BCL2L11: variants seen among roughly 807,000 people sequenced by gnomAD.
BCL2L11 encodes bcl-2-like protein 11.
In BCL2L11, 15 loss-of-function variants were observed where a neutral mutation model predicts 20.6. That is an observed-to-expected ratio of 0.73 (90% CI 0.49 to 1.12). The LOEUF (loss-of-function observed/expected upper bound fraction) is 1.12. Ranked by LOEUF, BCL2L11 falls within the 50% of genes most tolerant of loss-of-function variation. The pLI is 0.00. For synonymous variants in BCL2L11, 108 were observed against 92.8 expected, an observed-to-expected ratio of 1.16 and a Z score of -0.94; for missense variants, 292 against 260.9, an observed-to-expected ratio of 1.12 and a Z score of -0.82.
chr2:111,132,417 A>G (rs1440214859), intron 2 of BCL2L11, among the ~76,000 whole-genome samples: 1 of 152,244 alleles, frequency 6.6e-6, no homozygotes, highest in Non-Finnish European at 1.5e-5. Context: ...AAAAACTCAA[A>G]AATAATGGTT....
chr2:111,157,776 G>A (rs1351783159), intron 3 of BCL2L11, among the ~76,000 whole-genome samples: 2 of 152,218 alleles, frequency 1.3e-5, no homozygotes, highest in Non-Finnish European at 2.9e-5. Context: ...TAGGATAAAA[G>A]TTTGGTTTAT....
chr2:111,130,272 T>C (rs953011449), intron 2 of BCL2L11: 1 of 264,156 alleles, frequency 3.8e-6, no homozygotes, highest in African/African-American at 2.4e-5. Context: ...ACCCAGCTAA[T>C]TTTTGTATTT....
chr2:111,128,536 G>T, intron 2 of BCL2L11: 1 of 1,413,922 alleles, frequency 7.1e-7, no homozygotes, highest in Non-Finnish European at 9.2e-7. Context: ...CTCCATAGAG[G>T]CTGTGCCATT....
intron 2 of BCL2L11, among the ~76,000 whole-genome samples, chr2:111,133,869 C>T (rs1289550108): frequency 1.3e-5 from 2 of 152,142 alleles, no homozygotes; most frequent in Non-Finnish European, 2.9e-5. Flanking sequence ...GAGTTTGCTT[C>T]ATGTCTTTTG....
intron 3 of BCL2L11, among the ~76,000 whole-genome samples, chr2:111,155,423 G>A (rs898874082): frequency 1.3e-5 from 2 of 150,790 alleles, no homozygotes; most frequent in Non-Finnish European, 3.0e-5. Flanking sequence ...CTGTAGATGT[G>A]GGCCGGAGGT....
rs574658778 is a variant in BCL2L11, at chr2:111,121,041, T to C, written c.-161T>C. 120 of 368,640 alleles carry C rather than the reference T, an allele frequency of 3.3e-4. 4 individuals are homozygous for C. Among genetic ancestry groups the C allele is most frequent in the African/African-American group, 2.6e-3 (109 of 41,682 alleles). 22.8% of individuals were successfully genotyped at this position (368,640 alleles called of 1,614,324 possible). ...GCCGCCACTACCACCACTTGATTCTTGCAGCCACCCTGCGAACCCTGCCAC... is the reference window on the plus strand; with the variant it reads ...GCCGCCACTACCACCACTTGATTCTCGCAGCCACCCTGCGAACCCTGCCAC... On this transcript the variant is annotated 5_prime_UTR_variant, in exon 1 of 4. Transcript: ENST00000393256.
intron 3 of BCL2L11, among the ~76,000 whole-genome samples, chr2:111,152,078 G>T (rs948657350): frequency 9.9e-5 from 15 of 152,186 alleles, no homozygotes; most frequent in Admixed American, 2.6e-4. Flanking sequence ...GGATCAAAGT[G>T]GGGAGGACAT....
At chr2:111,122,529 G>T in intron 1 of BCL2L11, 2 of 858,238 alleles carry the variant, frequency 2.3e-6, no homozygotes, top group Non-Finnish European at 2.8e-6. Context: ...GATTGGCTGC[G>T]GCGCGGAGCG....
intron 2 of BCL2L11, among the ~76,000 whole-genome samples, chr2:111,147,346 T>TCTCTCACACA (rs760779894): frequency 2.3e-4 from 32 of 137,410 alleles, no homozygotes; most frequent in African/African-American, 8.0e-4. Flanking sequence ...TCTCTCTCTC[T>TCTCTCACACA]CACACACACA....
At chr2:111,128,478 T>G in intron 2 of BCL2L11, 1 of 1,169,242 alleles carries the variant, frequency 8.6e-7, no homozygotes, top group Non-Finnish European at 1.1e-6. Context: ...AATTGCTGGA[T>G]CATATGGTAA....
At chr2:111,146,081 T>G (rs2076473027) in intron 2 of BCL2L11, 2 of 985,208 alleles carry the variant, frequency 2.0e-6, no homozygotes, top group Non-Finnish European at 2.4e-6. Flanking sequence ...TATTTTATTG[T>G]GCTTTAAAAA....
chr2:111,153,678 T>C, intron 3 of BCL2L11: 1 of 1,381,896 alleles, frequency 7.2e-7, no homozygotes, highest in South Asian at 1.3e-5. Flanking sequence ...ATGTTGAGTG[T>C]CTTTATTTGC....
chr2:111,124,217 T>C, intron 2 of BCL2L11, 78 bp downstream of exon 2: 2 of 1,436,422 alleles, frequency 1.4e-6, no homozygotes, highest in South Asian at 2.8e-5. Flanking sequence ...GCATTTAAAA[T>C]CCCCTTTTAA....
Position 111,143,448 on chromosome 2 carries a change from G to A in BCL2L11, c.395-6596G>A, listed in dbSNP as rs889631306. Among the ~76,000 whole-genome samples the A allele has an allele frequency of 2.0e-5, 3 of 152,306 alleles. No homozygotes were observed. The East Asian group carries it at 5.8e-4, about 29-fold the overall frequency. Reference sequence around the variant, plus strand: ...TGGCACAGGTTCACTGACAAAAAGTGGGGTGATGATTGAGAGGGATCATAG... The same window carrying A: ...TGGCACAGGTTCACTGACAAAAAGTAGGGTGATGATTGAGAGGGATCATAG... On this transcript the variant is annotated intron_variant, in intron 2 of 3. Coordinates refer to ENST00000393256, the MANE Select transcript of BCL2L11 (RefSeq NM_138621.5).
intron 2 of BCL2L11, among the ~76,000 whole-genome samples, chr2:111,137,673 C>CAT (rs535587821): frequency 1.5e-5 from 2 of 135,466 alleles, no homozygotes; most frequent in African/African-American, 2.8e-5. Context: ...CTAGCAGAAA[C>CAT]ATATATGCAA....
At chr2:111,150,272 T>A (rs1331675642) in intron 3 of BCL2L11, 125 bp downstream of exon 3, 1 of 1,500,510 alleles carries the variant, frequency 6.7e-7, no homozygotes, top group Admixed American at 2.0e-5. Flanking sequence ...GTTGCCTAGT[T>A]GTGACCTTTC....
At chr2:111,161,476 G>A in intron 3 of BCL2L11, 1 of 1,550,392 alleles carries the variant, frequency 6.4e-7, no homozygotes, top group Non-Finnish European at 8.7e-7. Context: ...TTGGACACTA[G>A]GCGGGAGGCC....
At chr2:111,125,490 A>G (rs565263393) in intron 2 of BCL2L11, among the ~76,000 whole-genome samples, 26 of 152,370 alleles carry the variant, frequency 1.7e-4, no homozygotes, top group East Asian at 1.2e-3. Context: ...TACAGAGTCT[A>G]TTATAATTTA....
At chr2:111,150,236 A>C in intron 3 of BCL2L11, 89 bp downstream of exon 3, 1 of 1,531,880 alleles carries the variant, frequency 6.5e-7, no homozygotes, top group Middle Eastern at 1.7e-4. Flanking sequence ...TCTTGTAACT[A>C]CATGCTAATT....
Sources: gnomAD v4.1 joint callset for allele counts (sites outside exome capture counted in the v4.1 genomes callset) on GRCh38, gnomAD v4.1.1 for gene constraint, MANE v1.5 for transcripts, NCBI Gene and HGNC (gene_info 2026-07-23, HGNC 2026-07-21) for gene names.